CHRM3: variants seen among roughly 807,000 people sequenced by gnomAD.
CHRM3 encodes muscarinic acetylcholine receptor M3.
CHRM3 carries 11 observed loss-of-function variants against 41.8 expected under a neutral mutation model. That is an observed-to-expected ratio of 0.26 (90% confidence interval 0.17 to 0.44). The LOEUF (loss-of-function observed/expected upper bound fraction) is 0.44, where lower values mean the gene tolerates loss of function less well. Among genes scored for constraint, CHRM3 ranks in the 20% least tolerant of loss-of-function variants. The pLI is 1.00. For missense variants in CHRM3, 571 were observed against 745.4 expected (o/e 0.77, Z 2.72); for synonymous variants, 297 against 301.4 (o/e 0.99, Z 0.15).
intron 4 of CHRM3, among the ~76,000 whole-genome samples, chr1:239,642,718 C>T (rs1671312173): frequency 6.6e-6 from 1 of 152,150 alleles, no homozygotes; most frequent in South Asian, 2.1e-4. Flanking sequence ...TGAATTTCCT[C>T]CTGTAGCTCG....
At chr1:239,830,777 A>G (rs1287388062) in intron 6 of CHRM3, among the ~76,000 whole-genome samples, 1 of 152,140 alleles carries the variant, frequency 6.6e-6, no homozygotes, top group Non-Finnish European at 1.5e-5. Context: ...AGCAAAGAAG[A>G]CCAATGATGT....
chr1:239,430,221 C>T (rs1662723491), intron 1 of CHRM3, among the ~76,000 whole-genome samples: 1 of 151,902 alleles, frequency 6.6e-6, no homozygotes, highest in African/African-American at 2.4e-5. Flanking sequence ...CCTCCTCAGC[C>T]TCCCAAAGTG....
intron 1 of CHRM3, among the ~76,000 whole-genome samples, chr1:239,407,545 C>T (rs781544957): frequency 1.3e-5 from 2 of 151,570 alleles, no homozygotes; most frequent in Non-Finnish European, 2.9e-5. Flanking sequence ...TTTCTTATTG[C>T]AGAAAGGAAA....
At chr1:239,896,392 C>G (rs1167307242) in intron 6 of CHRM3, among the ~76,000 whole-genome samples, 1 of 152,218 alleles carries the variant, frequency 6.6e-6, no homozygotes, top group Non-Finnish European at 1.5e-5. Context: ...TTTTCCAGAA[C>G]AAGAACCACA....
At chr1:239,560,223 T>C (rs1409193648) in intron 3 of CHRM3, among the ~76,000 whole-genome samples, 2 of 152,192 alleles carry the variant, frequency 1.3e-5, no homozygotes, top group Admixed American at 1.3e-4. Context: ...GTTAGGAAAT[T>C]AAGTGAAATA....
rs12022022 is a variant in CHRM3, at chr1:239,784,181, C to T, written c.-146-43071C>T. 7.4e-4 allele frequency among the ~76,000 whole-genome samples: 113 copies of T among 152,220 alleles called. 1 individual carries two copies. In the East Asian group the frequency reaches 0.019, roughly 26 times the overall value. On this transcript the variant is annotated intron_variant, in intron 5 of 6. Coordinates refer to ENST00000676153, the MANE Select transcript of CHRM3 (RefSeq NM_001375978.1). ...TCCCTTTTTATCATTGTGCAATGCTCCTCTTTTTTCCCTGATAACTTTTCT... is the reference window on the plus strand; with the variant it reads ...TCCCTTTTTATCATTGTGCAATGCTTCTCTTTTTTCCCTGATAACTTTTCT...
At chr1:239,558,875 TC>T (rs1489923973) in intron 3 of CHRM3, among the ~76,000 whole-genome samples, 1 of 152,200 alleles carries the variant, frequency 6.6e-6, no homozygotes, top group Non-Finnish European at 1.5e-5. Context: ...TATTCTCCTT[TC>T]CCTAACTGGT....
chr1:239,425,618 A>G (rs1662308784), intron 1 of CHRM3, among the ~76,000 whole-genome samples: 1 of 152,132 alleles, frequency 6.6e-6, no homozygotes, highest in Non-Finnish European at 1.5e-5. Flanking sequence ...TTAACCAGAG[A>G]CCCACAAAAT....
rs1572675752 is a variant in CHRM3, at chr1:239,915,147, G to A, written c.*5923G>A. On this transcript the variant is annotated 3_prime_UTR_variant, in exon 7 of 7. Coordinates refer to ENST00000676153, the MANE Select transcript of CHRM3 (RefSeq NM_001375978.1). Reference sequence around the variant, plus strand: ...TTAAAGATGCTCTCTGGTGGATAGAGAAACCGCAGTCCAAAAACAGATGGG... The same window carrying A: ...TTAAAGATGCTCTCTGGTGGATAGAAAAACCGCAGTCCAAAAACAGATGGG... The A allele has an allele frequency of 1.2e-5, 2 of 167,228 alleles. No homozygotes were observed. The highest frequency in any genetic ancestry group is 3.9e-4 in the East Asian group (2 of 5,190). 10.4% of individuals were successfully genotyped at this position (167,228 alleles called of 1,614,324 possible). A position where few individuals can be genotyped will look rare whatever the true frequency, so the allele number is the denominator to read the frequency against.
At chr1:239,903,743 A>G (rs1184909288) in intron 6 of CHRM3, among the ~76,000 whole-genome samples, 1 of 152,172 alleles carries the variant, frequency 6.6e-6, no homozygotes, top group Non-Finnish European at 1.5e-5. Flanking sequence ...TGTGGTGGCA[A>G]ATAGGGTGAT....
At chr1:239,645,587 G>A (rs1351392721) in intron 4 of CHRM3, among the ~76,000 whole-genome samples, 1 of 152,118 alleles carries the variant, frequency 6.6e-6, no homozygotes, top group Non-Finnish European at 1.5e-5. Flanking sequence ...AAACATTTGA[G>A]AAACAAATAC....
At chr1:239,406,740 A>G (rs1660626366) in intron 1 of CHRM3, among the ~76,000 whole-genome samples, 1 of 152,196 alleles carries the variant, frequency 6.6e-6, no homozygotes, top group African/African-American at 2.4e-5. Flanking sequence ...TCTCTCAATT[A>G]CAGATGCTTT....
intron 1 of CHRM3, among the ~76,000 whole-genome samples, chr1:239,407,415 TATAG>T (rs1236386928): frequency 4.6e-4 from 49 of 106,036 alleles, no homozygotes; most frequent in East Asian, 1.9e-3. Flanking sequence ...AATATATATA[TATAG>T]AGAGAGAGAG....
At chr1:239,701,553 G>C (rs1308616720) in intron 5 of CHRM3, among the ~76,000 whole-genome samples, 1 of 152,126 alleles carries the variant, frequency 6.6e-6, no homozygotes, top group Non-Finnish European at 1.5e-5. Flanking sequence ...GCCTAGAGTT[G>C]TGCCAGTAAT....
At chr1:239,520,750 C>T (rs1796836) in intron 2 of CHRM3, among the ~76,000 whole-genome samples, 70,296 of 152,064 alleles carry the variant, frequency 0.46, 17,047 homozygotes, top group Middle Eastern at 0.62. Flanking sequence ...ACCCTTCCAG[C>T]TCTTACAGCA....
chr1:239,772,496 T>C (rs1407955156), intron 5 of CHRM3, among the ~76,000 whole-genome samples: 1 of 152,186 alleles, frequency 6.6e-6, no homozygotes, highest in Non-Finnish European at 1.5e-5. Context: ...TGTATTATAG[T>C]TATCTTACAG....
At chr1:239,847,751 A>C (rs1032579063) in intron 6 of CHRM3, among the ~76,000 whole-genome samples, 5 of 151,618 alleles carry the variant, frequency 3.3e-5, no homozygotes, top group Non-Finnish European at 5.9e-5. Flanking sequence ...CACAGACACA[A>C]ACACATACAA....
chr1:239,889,835 A>G (rs1278824526), intron 6 of CHRM3, among the ~76,000 whole-genome samples: 1 of 152,170 alleles, frequency 6.6e-6, no homozygotes, highest in Non-Finnish European at 1.5e-5. Context: ...AGAGAAAGAT[A>G]ATGCTTGGCT....
intron 2 of CHRM3, among the ~76,000 whole-genome samples, chr1:239,516,709 G>T (rs1288714703): frequency 6.6e-6 from 1 of 152,174 alleles, no homozygotes; most frequent in Non-Finnish European, 1.5e-5. Context: ...GTCTGCTATG[G>T]CCTATTAGGA....
Sources: gnomAD v4.1 joint callset for allele counts (sites outside exome capture counted in the v4.1 genomes callset) on GRCh38, gnomAD v4.1.1 for gene constraint, MANE v1.5 for transcripts, NCBI Gene and HGNC (gene_info 2026-07-23, HGNC 2026-07-21) for gene names.